Variants in GRID2 observed in about 807,000 individuals in gnomAD.
The protein encoded by GRID2 is glutamate receptor ionotropic, delta-2.
GRID2 carries 33 observed loss-of-function variants against 114.8 expected under a neutral mutation model. The observed-to-expected ratio is 0.29, with a 90% CI of 0.22 to 0.38. The LOEUF is 0.38. Among genes scored for constraint, GRID2 ranks in the 10% least tolerant of loss-of-function variants. GRID2 has a pLI of 1.00. For synonymous variants in GRID2, 505 were observed against 449.9 expected, an observed-to-expected ratio of 1.12 and a Z score of -1.55; for missense variants, 1,184 against 1,257.7, an observed-to-expected ratio of 0.94 and a Z score of 0.89.
chr4:93,019,366 A>G (rs1319327928), intron 2 of GRID2, among the ~76,000 whole-genome samples: 1 of 152,126 alleles, frequency 6.6e-6, no homozygotes, highest in Non-Finnish European at 1.5e-5. Flanking sequence ...GAGTTTTTCA[A>G]GCTGTCTTCT....
intron 8 of GRID2, among the ~76,000 whole-genome samples, chr4:93,310,808 G>T (rs1442458387): frequency 6.6e-6 from 1 of 152,142 alleles, no homozygotes; most frequent in African/African-American, 2.4e-5. Context: ...GATTTTTCAA[G>T]GCAGACTTTT....
At chr4:93,548,728 G>C (rs1283682833) in intron 13 of GRID2, among the ~76,000 whole-genome samples, 1 of 152,150 alleles carries the variant, frequency 6.6e-6, no homozygotes, top group African/African-American at 2.4e-5. Context: ...AATTCTAATA[G>C]TGCATTGAAT....
chr4:93,057,383 G>T (rs948181554), intron 2 of GRID2, among the ~76,000 whole-genome samples: 2 of 151,838 alleles, frequency 1.3e-5, no homozygotes, highest in Non-Finnish European at 2.9e-5. Context: ...GTATTATTTA[G>T]AAGAAAAAGT....
chr4:93,753,655 C>G (rs1053256809), intron 14 of GRID2, among the ~76,000 whole-genome samples: 2 of 152,142 alleles, frequency 1.3e-5, no homozygotes, highest in Non-Finnish European at 2.9e-5. Flanking sequence ...CATCCATGTC[C>G]CTACAAAGGA....
chr4:93,098,122 T>C (rs2149336905), intron 3 of GRID2, among the ~76,000 whole-genome samples: 1 of 152,134 alleles, frequency 6.6e-6, no homozygotes, highest in Non-Finnish European at 1.5e-5. Context: ...CTTGTTGCTG[T>C]AGAGAGATGT....
intron 1 of GRID2, among the ~76,000 whole-genome samples, chr4:92,439,998 G>C (rs1732956914): frequency 6.9e-6 from 1 of 145,944 alleles, no homozygotes; most frequent in Non-Finnish European, 1.5e-5. Context: ...CACAGTCTAA[G>C]TTGGTCTGGT....
intron 1 of GRID2, among the ~76,000 whole-genome samples, chr4:92,497,106 A>C (rs1225958498): frequency 6.6e-6 from 1 of 151,744 alleles, no homozygotes; most frequent in Non-Finnish European, 1.5e-5. Context: ...AATAGTTTGG[A>C]GAGTGGGAAA....
At chr4:93,239,392 A>T (rs976708132) in intron 8 of GRID2, among the ~76,000 whole-genome samples, 11 of 82,524 alleles carry the variant, frequency 1.3e-4, no homozygotes, top group African/African-American at 5.6e-4. Context: ...GGAAAAACCT[A>T]ACATAATTGT....
chr4:93,667,484 A>G (rs1277960344), intron 14 of GRID2, among the ~76,000 whole-genome samples: 1 of 151,864 alleles, frequency 6.6e-6, no homozygotes, highest in Non-Finnish European at 1.5e-5. Context: ...GCCTTTGAAA[A>G]AGCATAATTC....
At chr4:93,549,433 C>T (rs1272171182) in intron 13 of GRID2, among the ~76,000 whole-genome samples, 2 of 152,202 alleles carry the variant, frequency 1.3e-5, no homozygotes, top group Admixed American at 1.3e-4. Context: ...TACTAAAACA[C>T]ATTTTCAACA....
intron 9 of GRID2, among the ~76,000 whole-genome samples, chr4:93,399,100 G>C (rs766288921): frequency 2.6e-5 from 4 of 151,798 alleles, no homozygotes; most frequent in Non-Finnish European, 4.4e-5. Flanking sequence ...TACTCAACTT[G>C]ATGTTGTCAC....
intron 2 of GRID2, among the ~76,000 whole-genome samples, chr4:92,809,184 T>A (rs1217127305): frequency 6.6e-6 from 1 of 151,914 alleles, no homozygotes; most frequent in African/African-American, 2.4e-5. Context: ...AGAGATAGCA[T>A]GTAGTAGTAT....
intron 1 of GRID2, among the ~76,000 whole-genome samples, chr4:92,501,728 C>G (rs1032742760): frequency 6.6e-6 from 1 of 152,150 alleles, no homozygotes; most frequent in African/African-American, 2.4e-5. Flanking sequence ...TCGGAGTGTA[C>G]TAATTAGTCA....
At chr4:93,416,404 G>T (rs1767712783) in intron 9 of GRID2, among the ~76,000 whole-genome samples, 1 of 151,916 alleles carries the variant, frequency 6.6e-6, no homozygotes, top group Admixed American at 6.6e-5. Flanking sequence ...TATGTTTTAG[G>T]GAAAAAATAT....
intron 13 of GRID2, among the ~76,000 whole-genome samples, chr4:93,518,094 A>C (rs1729985577): frequency 6.7e-6 from 1 of 149,636 alleles, no homozygotes; most frequent in Non-Finnish European, 1.5e-5. Context: ...CACACACTAT[A>C]TATGGATATA....
At chr4:93,466,964 C>CTTAAAA (rs1724338848) in intron 11 of GRID2, among the ~76,000 whole-genome samples, 1 of 152,090 alleles carries the variant, frequency 6.6e-6, no homozygotes, top group South Asian at 2.1e-4. Context: ...AAATGTAATA[C>CTTAAAA]ATATTGTAAA....
intron 2 of GRID2, among the ~76,000 whole-genome samples, chr4:92,972,296 G>A (rs1326341398): frequency 1.3e-5 from 2 of 151,378 alleles, no homozygotes; most frequent in Admixed American, 6.6e-5. Context: ...CTGATGATTA[G>A]TGATGAACAG....
chr4:92,716,691 G>A (rs529567287), intron 2 of GRID2, among the ~76,000 whole-genome samples: 2 of 152,110 alleles, frequency 1.3e-5, no homozygotes, highest in East Asian at 1.9e-4. Context: ...GCATCACATA[G>A]GGAGTTGCCT....
At chr4:93,146,003 C>G (rs560870640) in intron 4 of GRID2, among the ~76,000 whole-genome samples, 97 of 152,094 alleles carry the variant, frequency 6.4e-4, no homozygotes, top group Non-Finnish European at 8.8e-4. Context: ...TATATATACA[C>G]AATATCTTTG....
Sources: gnomAD v4.1 joint callset for allele counts (sites outside exome capture counted in the v4.1 genomes callset) on GRCh38, gnomAD v4.1.1 for gene constraint, MANE v1.5 for transcripts, NCBI Gene and HGNC (gene_info 2026-07-23, HGNC 2026-07-21) for gene names.